The following ZBTB7C variants were observed in gnomAD, a reference collection of about 807,000 sequenced individuals.
The protein encoded by ZBTB7C is zinc finger and BTB domain-containing protein 7C.
ZBTB7C carries 8 observed loss-of-function variants against 25.7 expected under a neutral mutation model. The observed-to-expected ratio is 0.31, with a 90% confidence interval of 0.18 to 0.56. The LOEUF (loss-of-function observed/expected upper bound fraction) is 0.56. Ranked by LOEUF, ZBTB7C falls within the 20% of genes least tolerant of loss-of-function variation. The pLI, the probability that ZBTB7C is intolerant of heterozygous loss-of-function variation, is 0.91. For missense variants in ZBTB7C, 824 were observed against 855.2 expected (o/e 0.96, Z 0.46); for synonymous variants, 394 against 369.0 (o/e 1.07, Z -0.78).
intron 1 of ZBTB7C, among the ~76,000 whole-genome samples, chr18:48,343,412 A>G (rs1041653471): frequency 6.6e-6 from 1 of 152,160 alleles, no homozygotes; most frequent in Non-Finnish European, 1.5e-5. Flanking sequence ...AATAATACCC[A>G]CACCCAAAGG....
At chr18:48,221,490 G>A (rs1483375401) in intron 2 of ZBTB7C, among the ~76,000 whole-genome samples, 2 of 130,886 alleles carry the variant, frequency 1.5e-5, no homozygotes, top group Non-Finnish European at 3.1e-5. Flanking sequence ...CTGTCCCTTA[G>A]TCTCCCTCTA....
chr18:48,180,132 C>CTTCCTTCCTTCCTTCCTTCT (rs1461679543), intron 3 of ZBTB7C, among the ~76,000 whole-genome samples: 3 of 134,066 alleles, frequency 2.2e-5, no homozygotes, highest in African/African-American at 8.5e-5. Context: ...TCCTTCCTTC[C>CTTCCTTCCTTCCTTCCTTCT]TTCCTTCCTT....
chr18:48,078,853 A>G (rs1481997384), intron 3 of ZBTB7C, among the ~76,000 whole-genome samples: 1 of 152,224 alleles, frequency 6.6e-6, no homozygotes, highest in Admixed American at 6.5e-5. Flanking sequence ...TTCCAGGTAC[A>G]TCCATGTTGT....
chr18:48,328,024 C>T (rs1008643287), intron 2 of ZBTB7C, among the ~76,000 whole-genome samples: 7 of 151,582 alleles, frequency 4.6e-5, no homozygotes, highest in South Asian at 2.1e-4. Context: ...CTGGCTAACA[C>T]GGTGAAAATT....
chr18:48,189,959 A>T (rs1485455634), intron 2 of ZBTB7C, among the ~76,000 whole-genome samples: 1 of 152,190 alleles, frequency 6.6e-6, no homozygotes, highest in Middle Eastern at 3.2e-3. Context: ...CAGGTGAGAA[A>T]TGGAAGCAAC....
At chr18:48,180,655 T>A (rs1037441017) in intron 3 of ZBTB7C, among the ~76,000 whole-genome samples, 1 of 152,160 alleles carries the variant, frequency 6.6e-6, no homozygotes, top group Non-Finnish European at 1.5e-5. Context: ...CATACCTTGG[T>A]GTTCTACAGT....
intron 3 of ZBTB7C, among the ~76,000 whole-genome samples, chr18:48,151,587 C>T (rs1394147304): frequency 6.6e-6 from 1 of 152,172 alleles, no homozygotes; most frequent in Non-Finnish European, 1.5e-5. Context: ...CAGAGCTACA[C>T]ACCTAGTCAA....
In ZBTB7C at chr18:48,029,357, T is replaced by C. The variant is rs776254157; in HGVS notation, c.1763A>G (p.Tyr588Cys). 5.2e-6 allele frequency: 8 copies of C among 1,545,360 alleles called. No homozygotes were observed. The highest frequency in any genetic ancestry group is 1.2e-5 in the South Asian group (1 of 85,086). ...GGCCCAAGGGTCGGGCAGCGGGAAG[T>C]AGGGCCGCGCCGCCGCCACGTTCTC... is the stretch of plus-strand genomic sequence containing the variant. ...LAENVAAARP[Y>C]FPLPDPWAAG... The change falls in exon 5 of 5, where the codon TAC (tyrosine) becomes TGC (cysteine). Residue 588 changes from tyrosine to cysteine, a missense_variant. Transcript: ENST00000590800.
chr18:48,386,993 A>C (rs918509476), intron 1 of ZBTB7C, among the ~76,000 whole-genome samples: 3 of 152,210 alleles, frequency 2.0e-5, no homozygotes, highest in African/African-American at 7.2e-5. Context: ...CCAGTGGAAT[A>C]ATCTAGGAAG....
chr18:48,308,049 A>G (rs1291545116), intron 2 of ZBTB7C, among the ~76,000 whole-genome samples: 1 of 152,144 alleles, frequency 6.6e-6, no homozygotes, highest in Admixed American at 6.5e-5. Context: ...TCCCTTTTCT[A>G]AGTTGGACTT....
chr18:48,207,636 TAGAGACTGGA>T (rs1568302961), intron 2 of ZBTB7C, among the ~76,000 whole-genome samples: 15 of 144,592 alleles, frequency 1.0e-4, no homozygotes, highest in African/African-American at 3.7e-4. Flanking sequence ...ATATATTCTA[TAGAGACTGGA>T]TTTCCCTATG....
chr18:48,069,430 T>C (rs1374326709), intron 3 of ZBTB7C, among the ~76,000 whole-genome samples: 1 of 152,186 alleles, frequency 6.6e-6, no homozygotes, highest in African/African-American at 2.4e-5. Context: ...CTGCCTTGTG[T>C]AGTCCTTGAG....
intron 3 of ZBTB7C, among the ~76,000 whole-genome samples, chr18:48,119,368 G>A (rs975754098): frequency 6.6e-5 from 10 of 152,218 alleles, no homozygotes; most frequent in Admixed American, 1.3e-4. Flanking sequence ...CAACCCCAGC[G>A]CAGGCGCAAG....
intron 3 of ZBTB7C, among the ~76,000 whole-genome samples, chr18:48,079,910 G>A (rs749140123): frequency 1.8e-4 from 27 of 152,240 alleles, no homozygotes; most frequent in Non-Finnish European, 3.8e-4. Flanking sequence ...GTGGGCCAGT[G>A]GGCAAGTGCC....
chr18:48,364,848 G>GT (rs2145121672), intron 1 of ZBTB7C, among the ~76,000 whole-genome samples: 1 of 152,124 alleles, frequency 6.6e-6, no homozygotes, highest in African/African-American at 2.4e-5. Flanking sequence ...GCCTTTTTCC[G>GT]TTTAATTATA....
At chr18:48,036,482 G>A (rs1387019414) in intron 4 of ZBTB7C, among the ~76,000 whole-genome samples, 4 of 152,316 alleles carry the variant, frequency 2.6e-5, no homozygotes, top group African/African-American at 7.2e-5. Context: ...GGGGTGGGGC[G>A]GGGAGGGTGT....
chr18:48,301,591 G>A (rs2144742874), intron 2 of ZBTB7C, among the ~76,000 whole-genome samples: 1 of 152,276 alleles, frequency 6.6e-6, no homozygotes, highest in South Asian at 2.1e-4. Context: ...CGAGTTATGT[G>A]AGAGTGGCAT....
At chr18:48,251,742 A>G (rs1599193099) in intron 2 of ZBTB7C, among the ~76,000 whole-genome samples, 3 of 152,302 alleles carry the variant, frequency 2.0e-5, no homozygotes, top group Admixed American at 2.0e-4. Context: ...GGACTATGCA[A>G]ACGTCACACC....
At chr18:48,116,864 TCTC>T (rs2039457898) in intron 3 of ZBTB7C, among the ~76,000 whole-genome samples, 1 of 152,012 alleles carries the variant, frequency 6.6e-6, no homozygotes, top group South Asian at 2.1e-4. Context: ...GCCAACTAGT[TCTC>T]CTGTCACGCT....
Sources: gnomAD v4.1 joint callset for allele counts (sites outside exome capture counted in the v4.1 genomes callset) on GRCh38, gnomAD v4.1.1 for gene constraint, MANE v1.5 for transcripts, NCBI Gene and HGNC (gene_info 2026-07-23, HGNC 2026-07-21) for gene names.